The following GLIS3 variants were observed in gnomAD, a reference collection of about 807,000 sequenced individuals.
GLIS3 encodes GLIS family zinc finger 3, also known as zinc finger protein GLIS3.
In GLIS3, 53 loss-of-function variants were observed where a neutral mutation model predicts 78.6. The ratio of observed to expected loss-of-function variants is 0.67; its 90% CI spans 0.54 to 0.85. The LOEUF (loss-of-function observed/expected upper bound fraction) is 0.85, where lower values mean the gene tolerates loss of function less well. GLIS3 is among the 40% of genes least tolerant of loss of function. The pLI, the probability that GLIS3 is intolerant of heterozygous loss-of-function variation, is 0.00. For synonymous variants in GLIS3, 684 were observed against 509.9 expected (o/e 1.34, Z -4.60); for missense variants, 1,703 against 1,231.1 (o/e 1.38, Z -5.74).
intron 2 of GLIS3, among the ~76,000 whole-genome samples, chr9:4,266,808 C>T (rs916271891): frequency 3.3e-5 from 5 of 152,208 alleles, no homozygotes; most frequent in Non-Finnish European, 7.3e-5. Context: ...AACTTCACTA[C>T]TGAACAGGAG....
At position 3,828,340 on chromosome 9, in the gene GLIS3, T is replaced by G. The variant is rs532596401; in HGVS notation, c.2725A>C (p.Thr909Pro). Residue 909 changes from threonine (T) to proline (P), a missense_variant, in exon 11 of 11, where the codon ACC becomes CCC. Transcript: ENST00000381971. ...ESLRSGAEDA[T>P]FLQISTVDRC... Reference sequence around the variant, plus strand: ...TCCACGGTGCTGATCTGCAAGAAGGTAGCATCTTCAGCCCCGCTGCGGAGA... The same window carrying G: ...TCCACGGTGCTGATCTGCAAGAAGGGAGCATCTTCAGCCCCGCTGCGGAGA... The G allele has an allele frequency of 2.5e-6, 4 of 1,614,012 alleles. No homozygotes were observed. In the South Asian group the frequency reaches 4.4e-5, roughly 18 times the overall value.
chr9:4,405,927 A>G, the GLIS3 span, among the ~76,000 whole-genome samples: 4 of 152,258 alleles, frequency 2.6e-5, no homozygotes, highest in Admixed American at 1.3e-4. Context: ...ACGTCCATCA[A>G]TGTGACACAT....
intron 4 of GLIS3, among the ~76,000 whole-genome samples, chr9:3,978,805 C>T (rs897641946): frequency 1.3e-5 from 2 of 152,130 alleles, no homozygotes; most frequent in Non-Finnish European, 2.9e-5. Flanking sequence ...AAAAAGATTT[C>T]ATATGCAGTC....
intron 2 of GLIS3, among the ~76,000 whole-genome samples, chr9:4,232,418 A>T (rs1316538450): frequency 1.3e-5 from 2 of 151,306 alleles, no homozygotes; most frequent in African/African-American, 4.8e-5. Flanking sequence ...AAAAAAAAAG[A>T]AAGAAACAAA....
chr9:4,283,273 T>G (rs890118854), intron 2 of GLIS3, among the ~76,000 whole-genome samples: 1 of 151,138 alleles, frequency 6.6e-6, no homozygotes, highest in Non-Finnish European at 1.5e-5. Context: ...TTTTTTGTTT[T>G]TTTTTTTTTT....
chr9:4,304,219 A>C (rs906018989), upstream of GLIS3, among the ~76,000 whole-genome samples: 1 of 152,232 alleles, frequency 6.6e-6, no homozygotes, highest in African/African-American at 2.4e-5. Flanking sequence ...GAATGTGTGC[A>C]AACCACACTG....
chr9:4,056,746 C>T (rs755930761), intron 4 of GLIS3, among the ~76,000 whole-genome samples: 13 of 151,792 alleles, frequency 8.6e-5, no homozygotes, highest in South Asian at 2.1e-4. Context: ...CAAACTATGA[C>T]GTCAAATGGG....
chr9:4,447,533 G>A, the GLIS3 span, among the ~76,000 whole-genome samples: 3 of 152,060 alleles, frequency 2.0e-5, no homozygotes, highest in African/African-American at 7.2e-5. Flanking sequence ...ACAGGTACTT[G>A]TTTTATACCT....
rs967419610 is a variant in GLIS3 at position 4,287,555 on chromosome 9, C to G, written c.-98-1032G>C. Among the ~76,000 whole-genome samples, 6 of 152,296 alleles carry G rather than the reference C, an allele frequency of 3.9e-5. No individual in the cohort carries two copies. The East Asian group carries it at 1.2e-3, about 29-fold the overall frequency. ...TATTATAGACACTGTCACAATCTGT[C>G]TTTCAGAGATGACAGTCATGGAAAG... On this transcript the variant is annotated intron_variant, in intron 1 of 10. Coordinates refer to ENST00000381971, the MANE Select transcript of GLIS3 (RefSeq NM_001042413.2).
At chr9:4,244,034 A>T (rs1823573421) in intron 2 of GLIS3, among the ~76,000 whole-genome samples, 1 of 152,164 alleles carries the variant, frequency 6.6e-6, no homozygotes, top group Non-Finnish European at 1.5e-5. Flanking sequence ...CCCCATGCAC[A>T]TACGTGCATA....
chr9:4,336,607 C>A (rs1817760905), intron 2 of GLIS3, among the ~76,000 whole-genome samples: 1 of 152,186 alleles, frequency 6.6e-6, no homozygotes, highest in South Asian at 2.1e-4. Context: ...GATAAAACAA[C>A]AAAACCAAGA....
At chr9:4,204,274 C>T (rs138360927) in intron 2 of GLIS3, among the ~76,000 whole-genome samples, 44 of 152,240 alleles carry the variant, frequency 2.9e-4, no homozygotes, top group Non-Finnish European at 4.0e-4. Flanking sequence ...GATTTTATAA[C>T]GATTCTTTCA....
intron 4 of GLIS3, among the ~76,000 whole-genome samples, chr9:3,969,608 C>T (rs931360061): frequency 6.6e-6 from 1 of 152,166 alleles, no homozygotes; most frequent in South Asian, 2.1e-4. Context: ...CAGCTGGGCT[C>T]AAGATTCCAA....
intron 2 of GLIS3, among the ~76,000 whole-genome samples, chr9:4,318,214 G>T (rs962760343): frequency 2.6e-5 from 4 of 152,162 alleles, no homozygotes; most frequent in African/African-American, 7.2e-5. Flanking sequence ...GGGAGGTAAG[G>T]AAGAGTTATC....
At chr9:4,433,053 A>G in the GLIS3 span, among the ~76,000 whole-genome samples, 2 of 152,178 alleles carry the variant, frequency 1.3e-5, no homozygotes, top group African/African-American at 4.8e-5. Flanking sequence ...CCTATCTGCA[A>G]AGGAGAATTG....
intron 6 of GLIS3, among the ~76,000 whole-genome samples, chr9:3,904,610 G>C (rs149894355): frequency 4.9e-4 from 75 of 152,280 alleles, no homozygotes; most frequent in African/African-American, 1.6e-3. Flanking sequence ...GAAGGAGAAA[G>C]CATCGTGCGG....
intron 6 of GLIS3, among the ~76,000 whole-genome samples, chr9:3,910,990 C>A (rs1026508948): frequency 2.6e-5 from 4 of 152,182 alleles, no homozygotes; most frequent in African/African-American, 9.7e-5. Context: ...GCTGTCTGAC[C>A]AGGACAGAAT....
the GLIS3 span, among the ~76,000 whole-genome samples, chr9:4,482,965 A>G: frequency 1.3e-5 from 2 of 152,196 alleles, no homozygotes; most frequent in Non-Finnish European, 2.9e-5. Context: ...AAGGAAAAAA[A>G]CATTCTAACA....
chr9:4,030,072 GA>G (rs1823696983), intron 4 of GLIS3, among the ~76,000 whole-genome samples: 1 of 152,252 alleles, frequency 6.6e-6, no homozygotes, highest in East Asian at 1.9e-4. Flanking sequence ...AACAGTGTAT[GA>G]AGGGCCCTTT....
Sources: allele counts gnomAD v4.1 joint callset (sites outside exome capture counted in the v4.1 genomes callset), GRCh38; gene constraint gnomAD v4.1.1; transcripts MANE v1.5; gene names NCBI Gene and HGNC (gene_info 2026-07-23, HGNC 2026-07-21).